DTWD2: variants seen among roughly 807,000 people sequenced by gnomAD.
DTWD2 encodes the protein tRNA-uridine aminocarboxypropyltransferase 2.
DTWD2 carries 39 observed loss-of-function variants against 31.8 expected under a neutral mutation model. That is an observed-to-expected ratio of 1.22 (90% CI 0.95 to 1.60). The LOEUF (loss-of-function observed/expected upper bound fraction) is 1.60, where lower values mean the gene tolerates loss of function less well. Ranked by LOEUF, DTWD2 falls within the 40% of genes most tolerant of loss-of-function variation. The pLI is 0.00. For missense variants in DTWD2, 515 were observed against 381.5 expected (o/e 1.35, Z -2.92); for synonymous variants, 180 against 142.8 (o/e 1.26, Z -1.86).
intron 4 of DTWD2, among the ~76,000 whole-genome samples, chr5:118,922,291 G>T (rs1279129995): frequency 6.6e-6 from 1 of 152,166 alleles, no homozygotes; most frequent in African/African-American, 2.4e-5. Context: ...TTACTGATTA[G>T]GAGGGCGAAA....
chr5:118,971,974 G>C (rs1214177098), intron 1 of DTWD2, among the ~76,000 whole-genome samples: 1 of 152,226 alleles, frequency 6.6e-6, no homozygotes, highest in Non-Finnish European at 1.5e-5. Context: ...GCAAAACAGT[G>C]TTTAGAGGAA....
intron 4 of DTWD2, among the ~76,000 whole-genome samples, chr5:118,853,115 G>C (rs527744845): frequency 6.6e-6 from 1 of 152,240 alleles, no homozygotes; most frequent in East Asian, 1.9e-4. Context: ...CAGGTATTAT[G>C]CTCACTACCT....
intron 4 of DTWD2, among the ~76,000 whole-genome samples, chr5:118,892,544 A>G (rs1000561159): frequency 2.0e-5 from 3 of 152,106 alleles, no homozygotes; most frequent in African/African-American, 7.2e-5. Flanking sequence ...GACAAAAAAC[A>G]TTCTACATTT....
At chr5:118,988,079 T>C (rs975863794) in intron 1 of DTWD2, 2 of 721,820 alleles carry the variant, frequency 2.8e-6, no homozygotes, top group Non-Finnish European at 5.0e-6. Flanking sequence ...GCTCAGCATA[T>C]TGCAGGAAGT....
intron 1 of DTWD2, among the ~76,000 whole-genome samples, chr5:118,976,399 G>A (rs1034444608): frequency 6.6e-6 from 1 of 152,184 alleles, no homozygotes; most frequent in Non-Finnish European, 1.5e-5. Flanking sequence ...ATGACTCCAG[G>A]AGCTGGTGTT....
chr5:118,955,729 C>G (rs1343502221), intron 1 of DTWD2, among the ~76,000 whole-genome samples: 3 of 151,732 alleles, frequency 2.0e-5, no homozygotes, highest in African/African-American at 7.3e-5. Flanking sequence ...CACTTTGAGG[C>G]TGTAGTAGTA....
At chr5:118,941,172 TA>T (rs1380325623) in intron 2 of DTWD2, among the ~76,000 whole-genome samples, 1 of 151,910 alleles carries the variant, frequency 6.6e-6, no homozygotes, top group African/African-American at 2.4e-5. Flanking sequence ...TTTTTCTTTT[TA>T]TTATATATAT....
chr5:118,944,012 T>C (rs1161339479), intron 2 of DTWD2, among the ~76,000 whole-genome samples: 1 of 152,176 alleles, frequency 6.6e-6, no homozygotes, highest in Non-Finnish European at 1.5e-5. Flanking sequence ...TAATCAAGAG[T>C]TACAAACACA....
At chr5:118,863,260 G>T (rs1752307537) in intron 4 of DTWD2, among the ~76,000 whole-genome samples, 1 of 152,188 alleles carries the variant, frequency 6.6e-6, no homozygotes, top group Non-Finnish European at 1.5e-5. Context: ...AAAGGCAGAA[G>T]TTCCACAGAC....
chr5:118,906,863 G>A (rs1234205663), intron 4 of DTWD2, among the ~76,000 whole-genome samples: 1 of 152,032 alleles, frequency 6.6e-6, no homozygotes, highest in African/African-American at 2.4e-5. Context: ...TATAAAAAAT[G>A]GAAAAAGAAT....
chr5:118,849,253 T>C (rs1188800705), intron 4 of DTWD2, among the ~76,000 whole-genome samples: 1 of 152,108 alleles, frequency 6.6e-6, no homozygotes, highest in African/African-American at 2.4e-5. Flanking sequence ...TACATTTATG[T>C]GGCCAACAAA....
intron 4 of DTWD2, 103 bp from the exon 5 acceptor site, chr5:118,848,321 CT>C: frequency 3.0e-6 from 3 of 1,000,666 alleles, no homozygotes; most frequent in Non-Finnish European, 4.2e-6. Context: ...CTGCCAGCAG[CT>C]TAGAAGTACT....
In DTWD2 at chr5:118,837,822, G is replaced by C. The variant is rs1751606888; in HGVS notation, c.*3095C>G. The stretch of plus-strand genomic sequence containing the variant: ...AGGTTCTAGCTACTTGGGAGGCTGA[G>C]GCAGGAGGAACACTTGAGCCCAGGA... On this transcript the variant is annotated 3_prime_UTR_variant, in exon 6 of 6. Transcript: ENST00000510708. 2 of 152,254 alleles carry C rather than the reference G, an allele frequency of 1.3e-5. No individual in the cohort carries two copies. The highest frequency in any genetic ancestry group is 4.1e-4 in the South Asian group (2 of 4,822). 9.4% of individuals were successfully genotyped at this position (152,254 alleles called of 1,614,324 possible).
At chr5:118,856,205 C>T (rs986371220) in intron 4 of DTWD2, among the ~76,000 whole-genome samples, 21 of 152,050 alleles carry the variant, frequency 1.4e-4, no homozygotes, top group African/African-American at 5.1e-4. Flanking sequence ...TTTTGGTATC[C>T]TAAATAAGAC....
intron 4 of DTWD2, among the ~76,000 whole-genome samples, chr5:118,872,969 A>G (rs1752540358): frequency 6.6e-6 from 1 of 152,162 alleles, no homozygotes; most frequent in Non-Finnish European, 1.5e-5. Flanking sequence ...AGCTGGGCAG[A>G]AGGAGGAGAA....
intron 1 of DTWD2, among the ~76,000 whole-genome samples, chr5:118,976,605 T>A (rs1197571754): frequency 6.6e-6 from 1 of 152,060 alleles, no homozygotes. Context: ...ATGGATAAAT[T>A]CCTGGACATA....
chr5:118,845,433 G>A (rs1421635935), intron 5 of DTWD2, among the ~76,000 whole-genome samples: 1 of 152,186 alleles, frequency 6.6e-6, no homozygotes, highest in Non-Finnish European at 1.5e-5. Context: ...AAGGCTGGAT[G>A]TGGGGTTCCC....
intron 1 of DTWD2, among the ~76,000 whole-genome samples, chr5:118,983,286 T>G (rs1755348661): frequency 6.6e-6 from 1 of 152,186 alleles, no homozygotes; most frequent in African/African-American, 2.4e-5. Context: ...CTTAACCAAC[T>G]GCTGCTCAGG....
intron 5 of DTWD2, among the ~76,000 whole-genome samples, chr5:118,846,680 CT>C (rs2112673022): frequency 6.6e-6 from 1 of 151,978 alleles, no homozygotes; most frequent in African/African-American, 2.4e-5. Context: ...TATATATTTG[CT>C]TAAGAATATA....
Sources: gnomAD v4.1 joint callset for allele counts (sites outside exome capture counted in the v4.1 genomes callset) on GRCh38, gnomAD v4.1.1 for gene constraint, MANE v1.5 for transcripts, NCBI Gene and HGNC (gene_info 2026-07-23, HGNC 2026-07-21) for gene names.